TP63: variants seen among roughly 807,000 people sequenced by gnomAD.
TP63 encodes the protein tumor protein 63.
A neutral mutation model predicts 82.8 loss-of-function variants in TP63; 17 were observed. That is an observed-to-expected ratio of 0.21 (90% CI 0.14 to 0.31). TP63 has a LOEUF of 0.31. Ranked by LOEUF, TP63 falls within the 10% of genes least tolerant of loss-of-function variation. TP63 has a pLI of 1.00. For synonymous variants in TP63, 330 were observed against 321.7 expected, an observed-to-expected ratio of 1.03 and a Z score of -0.28; for missense variants, 648 against 895.3, an observed-to-expected ratio of 0.72 and a Z score of 3.52.
rs2108637501 is a variant in TP63, at chr3:189,808,353, A to G, written c.406A>G (p.Thr136Ala). The G allele has an allele frequency of 6.2e-7, 1 of 1,614,144 alleles. No individual in the cohort carries two copies. The highest frequency in any genetic ancestry group is 8.5e-7 in the Non-Finnish European group (1 of 1,180,026). ...CTCCTCGTCCACCAGTCCCTATAAC[A>G]CAGACCACGCGCAGAACAGCGTCAC... ...NGSSSTSPYN[T>A]DHAQNSVTAP... The change falls in exon 4 of 14, where the codon ACA becomes GCA. Residue 136 changes from threonine to alanine, a missense_variant. Around this residue, in one of 5 missense-constraint regions of TP63, gnomAD observed 182 missense variants for 213.6 expected, o/e 0.85. Coordinates refer to ENST00000264731, the MANE Select transcript of TP63 (RefSeq NM_003722.5).
chr3:189,783,631 A>G (rs1159568821), intron 3 of TP63, among the ~76,000 whole-genome samples: 2 of 151,930 alleles, frequency 1.3e-5, no homozygotes, highest in East Asian at 3.9e-4. Flanking sequence ...TAATGAAGAC[A>G]CTACTCCCTC....
chr3:189,777,822 GTCTTCT>G (rs1317783097), intron 3 of TP63, among the ~76,000 whole-genome samples: 2,644 of 103,036 alleles, frequency 0.026, 96 homozygotes, highest in South Asian at 0.044. Context: ...CAGATGCTGA[GTCTTCT>G]TCTTCTTCTT....
chr3:189,745,500 A>G (rs556565918), intron 3 of TP63, among the ~76,000 whole-genome samples: 257 of 152,120 alleles, frequency 1.7e-3, no homozygotes, highest in Middle Eastern at 6.8e-3. Context: ...CAAGGTCAAC[A>G]GATTGAGACC....
At chr3:189,877,587 T>C (rs756192552) in intron 10 of TP63, among the ~76,000 whole-genome samples, 2 of 152,228 alleles carry the variant, frequency 1.3e-5, no homozygotes, top group Non-Finnish European at 2.9e-5. Flanking sequence ...GACATCCTGA[T>C]GAGCCCTTAG....
chr3:189,685,764 C>T (rs1223047310), intron 1 of TP63, among the ~76,000 whole-genome samples: 6 of 152,066 alleles, frequency 3.9e-5, no homozygotes, highest in East Asian at 3.9e-4. Context: ...ATAGCAATAA[C>T]GCAATTGTAT....
At chr3:189,742,662 A>G (rs1443397410) in intron 3 of TP63, among the ~76,000 whole-genome samples, 1 of 152,232 alleles carries the variant, frequency 6.6e-6, no homozygotes, top group African/African-American at 2.4e-5. Context: ...TCCAAGATTC[A>G]TATATATTTC....
At chr3:189,872,813 C>G (rs748176900) in intron 9 of TP63, 46 bp from the exon 10 acceptor site, 2 of 1,613,522 alleles carry the variant, frequency 1.2e-6, no homozygotes, top group Admixed American at 1.7e-5. Flanking sequence ...TCTAACAGTT[C>G]TACAGCTTTT....
rs73056159 is a variant in TP63 at position 189,682,964 on chromosome 3, G to T, written c.62+51387G>T. Among the ~76,000 whole-genome samples, 1,463 of 152,110 alleles carry T rather than the reference G, an allele frequency of 9.6e-3. 23 individuals are homozygous for T. Among genetic ancestry groups the T allele is most frequent in the African/African-American group, 0.034 (1,395 of 41,494 alleles). ...TACATCCATCAAAAATCATGATAGGGACTTCATTTAATATGCTATTTAATT... is the reference window on the plus strand; with the variant it reads ...TACATCCATCAAAAATCATGATAGGTACTTCATTTAATATGCTATTTAATT... On this transcript the variant is annotated intron_variant, in intron 1 of 13. Coordinates refer to ENST00000264731, the MANE Select transcript of TP63 (RefSeq NM_003722.5).
intron 4 of TP63, among the ~76,000 whole-genome samples, chr3:189,838,062 A>G (rs1455457518): frequency 6.6e-6 from 1 of 152,238 alleles, no homozygotes; most frequent in Non-Finnish European, 1.5e-5. Flanking sequence ...CTCTCTTGCC[A>G]TAGTGAGGTC....
At chr3:189,680,661 T>A (rs550242229) in intron 1 of TP63, among the ~76,000 whole-genome samples, 1 of 152,198 alleles carries the variant, frequency 6.6e-6, no homozygotes, top group Non-Finnish European at 1.5e-5. Flanking sequence ...ACATATCACA[T>A]TAACAGGTCC....
intron 1 of TP63, among the ~76,000 whole-genome samples, chr3:189,659,999 G>A (rs560219020): frequency 6.6e-6 from 1 of 151,960 alleles, no homozygotes; most frequent in Admixed American, 6.6e-5. Flanking sequence ...CCATTATGTA[G>A]GTTTTCTGAT....
At chr3:189,736,285 T>C (rs1720589856) in intron 1 of TP63, among the ~76,000 whole-genome samples, 1 of 151,938 alleles carries the variant, frequency 6.6e-6, no homozygotes, top group Non-Finnish European at 1.5e-5. Flanking sequence ...CTTACCTCTC[T>C]GGCTTAATCT....
intron 1 of TP63, among the ~76,000 whole-genome samples, chr3:189,693,008 T>G (rs1395175539): frequency 6.6e-6 from 1 of 152,166 alleles, no homozygotes; most frequent in Non-Finnish European, 1.5e-5. Context: ...ATCTGAACCT[T>G]TCCTGCCAGC....
At chr3:189,817,391 G>A (rs1728303942) in intron 4 of TP63, among the ~76,000 whole-genome samples, 1 of 152,126 alleles carries the variant, frequency 6.6e-6, no homozygotes, top group South Asian at 2.1e-4. Flanking sequence ...GGACTCAGAA[G>A]GACAACTTTG....
At chr3:189,717,835 CTT>C (rs1719076476) in intron 1 of TP63, among the ~76,000 whole-genome samples, 1 of 151,972 alleles carries the variant, frequency 6.6e-6, no homozygotes, top group Non-Finnish European at 1.5e-5. Flanking sequence ...TTACCCTGAG[CTT>C]AGAAAGGGAA....
intron 9 of TP63, among the ~76,000 whole-genome samples, chr3:189,870,883 C>T (rs1168171595): frequency 3.9e-5 from 6 of 152,118 alleles, no homozygotes; most frequent in Non-Finnish European, 5.9e-5. Context: ...CGAAAGTCAA[C>T]GGATTTAGGT....
the TP63 span, among the ~76,000 whole-genome samples, chr3:189,603,984 C>A: frequency 3.9e-5 from 6 of 152,014 alleles, no homozygotes; most frequent in Admixed American, 3.9e-4. Flanking sequence ...TTTAATGAGA[C>A]AATCTGCTAA....
chr3:189,703,427 AATAGATAG>A (rs58784734), intron 1 of TP63, among the ~76,000 whole-genome samples: 15 of 143,142 alleles, frequency 1.0e-4, no homozygotes, highest in Non-Finnish European at 1.4e-4. Flanking sequence ...CCCTGTCTAA[AATAGATAG>A]ATAGATAGAT....
rs1042354976 is a variant in TP63, at chr3:189,737,799, C to T, written c.122C>T (p.Ser41Phe). 6.2e-7 allele frequency: 1 copy of T among 1,614,030 alleles called. No homozygotes were observed. Among genetic ancestry groups the T allele is most frequent in the Non-Finnish European group, 8.5e-7 (1 of 1,179,910 alleles). ...GAAAGTTATTACCGATCCACCATGT[C>T]CCAGAGCACACAGACAAATGAATTC... ...WKESYYRSTMSQSTQTNEFLS... is the reference protein window; with the variant it reads ...WKESYYRSTMFQSTQTNEFLS... Residue 41 changes from serine (S) to phenylalanine (F), a missense_variant, in exon 2 of 14, where the codon TCC becomes TTC. This residue lies in a region of TP63 where 182 missense variants were observed against 213.6 expected (regional missense o/e 0.85). Transcript: ENST00000264731.
Sources: gnomAD v4.1 joint callset for allele counts (sites outside exome capture counted in the v4.1 genomes callset) on GRCh38, gnomAD v4.1.1 for gene constraint, gnomAD v4.1.1 regional missense constraint, MANE v1.5 for transcripts, NCBI Gene and HGNC (gene_info 2026-07-23, HGNC 2026-07-21) for gene names.